The following RGS6 variants were observed in gnomAD, a reference collection of about 807,000 sequenced individuals.
The protein encoded by RGS6 is regulator of G-protein signaling 6.
Under a neutral mutation model 78.5 loss-of-function variants are expected in RGS6, and 30 were observed. The ratio of observed to expected loss-of-function variants is 0.38; its 90% confidence interval spans 0.29 to 0.52. The LOEUF (loss-of-function observed/expected upper bound fraction) is 0.52. RGS6 is among the 20% of genes least tolerant of loss of function. The pLI, the probability that RGS6 is intolerant of heterozygous loss-of-function variation, is 0.85. For synonymous variants in RGS6, 206 were observed against 206.0 expected (o/e 1.00, Z 0.00); for missense variants, 495 against 609.7 (o/e 0.81, Z 1.98).
intron 2 of RGS6, among the ~76,000 whole-genome samples, chr14:72,093,293 A>T (rs1030090482): frequency 6.6e-6 from 1 of 152,108 alleles, no homozygotes; most frequent in African/African-American, 2.4e-5. Context: ...CCAGGCTGGA[A>T]TGCAGTGGTG....
In RGS6 at chr14:72,453,982, C is replaced by T. The variant is rs993839087; in HGVS notation, c.185-546C>T. Among the ~76,000 whole-genome samples, 18 of 152,224 alleles carry T rather than the reference C, an allele frequency of 1.2e-4. 1 individual carries two copies. The highest frequency in any genetic ancestry group is 1.2e-3 in the Admixed American group (18 of 15,284). ...TCTATTGGCAGAACTCAGTCCATAT[C>T]TAAGTGCAGGGGAGGCTGGAAATGT... On this transcript the variant is annotated intron_variant, in intron 3 of 17. Coordinates refer to ENST00000553525, the MANE Select transcript of RGS6 (RefSeq NM_001204424.2).
chr14:72,121,256 G>A (rs2096044217), intron 2 of RGS6, among the ~76,000 whole-genome samples: 1 of 152,160 alleles, frequency 6.6e-6, no homozygotes, highest in Non-Finnish European at 1.5e-5. Context: ...ACCAGAACTG[G>A]CAAACACAGC....
chr14:71,932,558 A>C lies in RGS6; in HGVS notation c.-404A>C, dbSNP rs1002997307. 1 of 152,034 alleles carries C rather than the reference A, an allele frequency of 6.6e-6. No homozygotes were observed. Among genetic ancestry groups the C allele is most frequent in the Non-Finnish European group, 1.5e-5 (1 of 68,010 alleles). 9.4% of individuals were successfully genotyped at this position (152,034 alleles called of 1,614,324 possible). ...CGAGGGAACGGACAGACCTCCGCGC[A>C]CCCTTGCCGACCGGGGCGGGCAGAG... On this transcript the variant is annotated 5_prime_UTR_variant, in exon 1 of 18. Transcript: ENST00000553525.
intron 2 of RGS6, among the ~76,000 whole-genome samples, chr14:72,179,012 T>C (rs2097140854): frequency 6.6e-6 from 1 of 152,220 alleles, no homozygotes; most frequent in Non-Finnish European, 1.5e-5. Flanking sequence ...CCAGCACATA[T>C]TTCTGACCTG....
chr14:72,501,308 A>G (rs61523255), intron 13 of RGS6, among the ~76,000 whole-genome samples: 6,257 of 152,260 alleles, frequency 0.041, 293 homozygotes, highest in African/African-American at 0.11. Context: ...TATACAATAA[A>G]TAGCAGAAAA....
rs574842992 is a variant in RGS6 at position 72,113,968 on chromosome 14, A to G, written c.84+149093A>G. Among the ~76,000 whole-genome samples the G allele has an allele frequency of 8.5e-5, 13 of 152,330 alleles. No individual in the cohort carries two copies. In the South Asian group the frequency reaches 1.9e-3, roughly 22 times the overall value. On this transcript the variant is annotated intron_variant, in intron 2 of 17. Transcript: ENST00000553525. ...ATCACTGCTCTGTTTAAATTAGGCT[A>G]TTAAAGTCCTTCAAGACTTATTTAT... is the stretch of plus-strand genomic sequence containing the variant.
intron 1 of RGS6, among the ~76,000 whole-genome samples, chr14:71,948,740 C>CTTTTTTTTTTTT (rs71305831): frequency 1.5e-5 from 1 of 65,168 alleles, no homozygotes; most frequent in Non-Finnish European, 2.5e-5. Context: ...CTCTCTCTCT[C>CTTTTTTTTTTTT]TTTTTTTTTT....
At chr14:71,950,919 G>A (rs998578752) in intron 1 of RGS6, among the ~76,000 whole-genome samples, 19 of 152,142 alleles carry the variant, frequency 1.2e-4, no homozygotes, top group Admixed American at 3.9e-4. Flanking sequence ...ACATGCTGGC[G>A]AGGCTGAGGA....
At chr14:72,446,729 T>G (rs2095373262) in intron 3 of RGS6, among the ~76,000 whole-genome samples, 1 of 152,138 alleles carries the variant, frequency 6.6e-6, no homozygotes, top group Non-Finnish European at 1.5e-5. Context: ...TTCCTGTAAC[T>G]AGACAGTCGC....
chr14:72,382,959 A>G (rs1342163900), intron 3 of RGS6, among the ~76,000 whole-genome samples: 1 of 151,988 alleles, frequency 6.6e-6, no homozygotes. Flanking sequence ...AAAGTAGACA[A>G]CAAGAAATGT....
At chr14:72,484,536 T>A (rs1004634729) in intron 12 of RGS6, among the ~76,000 whole-genome samples, 1 of 152,186 alleles carries the variant, frequency 6.6e-6, no homozygotes, top group African/African-American at 2.4e-5. Flanking sequence ...TGGTTTTTTT[T>A]TGGTGGGGGG....
intron 3 of RGS6, among the ~76,000 whole-genome samples, chr14:72,370,706 C>T (rs1017848302): frequency 3.9e-5 from 6 of 152,106 alleles, no homozygotes; most frequent in Non-Finnish European, 4.4e-5. Flanking sequence ...AAGAGACTAC[C>T]AGAGTGTTGA....
At chr14:71,915,504 A>G in the RGS6 span, among the ~76,000 whole-genome samples, 7 of 152,192 alleles carry the variant, frequency 4.6e-5, no homozygotes, top group African/African-American at 1.4e-4. Context: ...CCATTGTTGT[A>G]TGACTACCCA....
intron 2 of RGS6, among the ~76,000 whole-genome samples, chr14:72,099,071 A>G (rs745926675): frequency 6.6e-5 from 10 of 152,180 alleles, no homozygotes; most frequent in Non-Finnish European, 1.2e-4. Context: ...AGTATTTACT[A>G]TATATTAGTT....
chr14:72,225,693 T>C (rs1191190107), intron 2 of RGS6, among the ~76,000 whole-genome samples: 1 of 152,140 alleles, frequency 6.6e-6, no homozygotes, highest in African/African-American at 2.4e-5. Flanking sequence ...CAAAGATACC[T>C]AACGTTAATA....
intron 3 of RGS6, among the ~76,000 whole-genome samples, chr14:72,358,961 G>T (rs1021517789): frequency 2.0e-5 from 3 of 152,194 alleles, no homozygotes; most frequent in Admixed American, 1.3e-4. Context: ...TGAATCATGG[G>T]TTGGTTACCT....
rs1566684245 is a variant in RGS6 at position 72,383,205 on chromosome 14, T to TACAC, written c.184+31012_184+31013insCACA. ...ATATATATATATATATATATATATA[T>TACAC]ATATATATACACACAAACACACTAG... is the stretch of plus-strand genomic sequence containing the variant. On this transcript the variant is annotated intron_variant, in intron 3 of 17. Coordinates refer to ENST00000553525, the MANE Select transcript of RGS6 (RefSeq NM_001204424.2). 3.4e-5 allele frequency among the ~76,000 whole-genome samples: 4 copies of TACAC among 119,192 alleles called. 1 individual carries two copies. Among genetic ancestry groups the TACAC allele is most frequent in the Admixed American group, 2.5e-4 (3 of 11,768 alleles). The allele number at this position is 119,192 out of a possible 152,430, so 78.2% of individuals were successfully genotyped here. A position where few individuals can be genotyped will look rare whatever the true frequency, so the allele number is the denominator to read the frequency against.
chr14:71,934,556 A>G (rs2088654626), intron 1 of RGS6, among the ~76,000 whole-genome samples: 1 of 152,236 alleles, frequency 6.6e-6, no homozygotes, highest in Admixed American at 6.5e-5. Flanking sequence ...AATTCATCTT[A>G]TCAAGTGAAA....
chr14:72,415,329 C>G (rs2093721922), intron 3 of RGS6, among the ~76,000 whole-genome samples: 1 of 152,246 alleles, frequency 6.6e-6, no homozygotes, highest in Non-Finnish European at 1.5e-5. Context: ...GGGCATAGGA[C>G]TCTCCAAGCC....
Sources: allele counts gnomAD v4.1 joint callset (sites outside exome capture counted in the v4.1 genomes callset), GRCh38; gene constraint gnomAD v4.1.1; transcripts MANE v1.5; gene names NCBI Gene and HGNC (gene_info 2026-07-23, HGNC 2026-07-21).